CUX2: variants seen among roughly 807,000 people sequenced by gnomAD.
CUX2 encodes cut like homeobox 2.
Under a neutral mutation model 144.8 loss-of-function variants are expected in CUX2, and 40 were observed. That is an observed-to-expected ratio of 0.28 (90% CI 0.21 to 0.36). The LOEUF (loss-of-function observed/expected upper bound fraction) is 0.36. CUX2 is among the 10% of genes least tolerant of loss of function. CUX2 has a pLI of 1.00. For missense variants in CUX2, 1,615 were observed against 1,994.0 expected, an observed-to-expected ratio of 0.81 and a Z score of 3.62; for synonymous variants, 827 against 875.6, an observed-to-expected ratio of 0.94 and a Z score of 0.98.
intron 4 of CUX2, among the ~76,000 whole-genome samples, chr12:111,266,357 G>A (rs1884385628): frequency 6.6e-6 from 1 of 151,904 alleles, no homozygotes. Flanking sequence ...TGTATTCCCA[G>A]CTACTCAAGA....
chr12:111,291,879 A>G (rs1475936270), intron 5 of CUX2, among the ~76,000 whole-genome samples: 1 of 152,056 alleles, frequency 6.6e-6, no homozygotes, highest in East Asian at 1.9e-4. Flanking sequence ...GCCAGCCCCA[A>G]AGCACCCTCT....
intron 8 of CUX2, among the ~76,000 whole-genome samples, chr12:111,298,021 G>A (rs1886095402): frequency 6.6e-6 from 1 of 152,160 alleles, no homozygotes; most frequent in South Asian, 2.1e-4. Flanking sequence ...AGCCAAGGAA[G>A]GCCCTAAGCA....
rs1881635881 is a variant in CUX2 at position 111,217,907 on chromosome 12, G to T, written c.192G>T (p.Val64=). ...KNVPEEIREM[V]APVLKSFQAE... is the part of the protein sequence containing the mutation. The stretch of plus-strand genomic sequence containing the variant: ...TTTTTCAGGAAATCAGAGAGATGGT[G>T]GCTCCTGTATTAAAAAGCTTCCAAG... Residue 64 remains valine (V), a synonymous_variant, in exon 3 of 22, where the codon GTG becomes GTT. Transcript: ENST00000261726. 6.2e-7 allele frequency: 1 copy of T among 1,614,052 alleles called. No individual in the cohort carries two copies. The highest frequency in any genetic ancestry group is 1.3e-5 in the African/African-American group (1 of 75,022).
chr12:111,037,628 C>A lies in CUX2; in HGVS notation c.63+3388C>A, dbSNP rs562269838. On this transcript the variant is annotated intron_variant, in intron 1 of 21. Transcript: ENST00000261726. The surrounding 1 kb of genome is among the most constrained non-coding windows in gnomAD (Gnocchi z 5.4). ...TCAGGAAACGAGAAGAAATAAAATT[C>A]CATCCAAAGATAATGCTAGGCATAT... Among the ~76,000 whole-genome samples, 1 of 152,204 alleles carries A rather than the reference C, an allele frequency of 6.6e-6. No individual in the cohort carries two copies. Among genetic ancestry groups the A allele is most frequent in the African/African-American group, 2.4e-5 (1 of 41,446 alleles).
chr12:111,334,380 G>T, intron 18 of CUX2, 61 bp from the exon 19 acceptor site: 1 of 1,506,458 alleles, frequency 6.6e-7, no homozygotes, highest in Non-Finnish European at 8.9e-7. Flanking sequence ...CAAGCCTCCC[G>T]AAAGTGGATG....
At position 111,350,436 on chromosome 12, in the gene CUX2, A is replaced by G. The variant is rs1226401729; in HGVS notation, c.*2111A>G. On this transcript the variant is annotated 3_prime_UTR_variant, in exon 22 of 22. Coordinates refer to ENST00000261726, the MANE Select transcript of CUX2 (RefSeq NM_015267.4). ...TCAGGTTCACGTCCTATAACGGTTA[A>G]AAAACACACACACACATACACAAAC... 6.6e-6 allele frequency: 1 copy of G among 152,474 alleles called. No individual in the cohort carries two copies. Among genetic ancestry groups the G allele is most frequent in the East Asian group, 1.9e-4 (1 of 5,202 alleles). The allele number at this position is 152,474 out of a possible 1,614,324, so 9.4% of individuals were successfully genotyped here.
In CUX2 at chr12:111,347,808, C is replaced by T; in HGVS notation, c.3944C>T (p.Pro1315Leu). 1 of 1,614,052 alleles carries T rather than the reference C, an allele frequency of 6.2e-7. No individual in the cohort carries two copies. The highest frequency in any genetic ancestry group is 8.5e-7 in the Non-Finnish European group (1 of 1,179,994). The change falls in exon 22 of 22, where the codon CCC becomes CTC. Residue 1315 changes from proline (P) to leucine (L), a missense_variant. Pro to Leu is a moderately conservative substitution (Grantham distance 98, BLOSUM62 -3). This residue lies in a region of CUX2 where 298 missense variants were observed against 330.4 expected (regional missense o/e 0.90). Transcript: ENST00000261726. ...EDAEEEAGSQ[P>L]QDSGELDKGQ... ...GCTGAGGAAGAGGCAGGCAGCCAGC[C>T]CCAGGACTCAGGGGAGCTGGACAAA...
chr12:111,122,051 C>G (rs1874728112), intron 1 of CUX2, among the ~76,000 whole-genome samples: 2 of 152,188 alleles, frequency 1.3e-5, no homozygotes, highest in Non-Finnish European at 2.9e-5. Context: ...GTTTGACTGG[C>G]TGACTGCTCT....
At chr12:111,174,652 C>T (rs1184077864) in intron 1 of CUX2, among the ~76,000 whole-genome samples, 3 of 152,318 alleles carry the variant, frequency 2.0e-5, no homozygotes, top group South Asian at 4.1e-4. Context: ...AGAAAGGGCA[C>T]GGGATACTCC....
chr12:111,097,007 G>A (rs1487065514), intron 1 of CUX2, among the ~76,000 whole-genome samples: 3 of 152,050 alleles, frequency 2.0e-5, no homozygotes, highest in African/African-American at 7.2e-5. Context: ...GAAGTTGGGA[G>A]GCAGCTAAGA....
At position 111,277,859 on chromosome 12, in the gene CUX2, C is replaced by T. The variant is rs1202308829; in HGVS notation, c.302-13559C>T. Among the ~76,000 whole-genome samples, 2 of 152,208 alleles carry T rather than the reference C, an allele frequency of 1.3e-5. No individual in the cohort carries two copies. The highest frequency in any genetic ancestry group is 2.9e-5 in the Non-Finnish European group (2 of 68,052). On this transcript the variant is annotated intron_variant, in intron 4 of 21. Coordinates refer to ENST00000261726, the MANE Select transcript of CUX2 (RefSeq NM_015267.4). The surrounding 1 kb of genome is among the most constrained non-coding windows in gnomAD (Gnocchi z 5.0). ...TTAAAACAACACACGTTTATGATCT[C>T]ACCGTTCTGCAGAACAGAAGTCCAA...
intron 1 of CUX2, among the ~76,000 whole-genome samples, chr12:111,054,462 G>A (rs1870428387): frequency 6.6e-6 from 1 of 152,188 alleles, no homozygotes; most frequent in South Asian, 2.1e-4. Flanking sequence ...GAATTTACAT[G>A]ACCTTTCAGC....
At chr12:111,257,620 C>T (rs1883902171) in intron 3 of CUX2, among the ~76,000 whole-genome samples, 1 of 122,582 alleles carries the variant, frequency 8.2e-6, no homozygotes, top group African/African-American at 3.2e-5. Flanking sequence ...TCTTCCTCCT[C>T]CCTGCTCTTC....
chr12:111,293,461 C>T lies in CUX2; in HGVS notation c.452C>T (p.Thr151Met), dbSNP rs775563718. The change falls in exon 6 of 22, where the codon ACG becomes ATG. Residue 151 changes from threonine to methionine, a missense_variant. Physicochemically the swap from Thr to Met is moderately conservative, Grantham distance 81 (BLOSUM62 -1). Coordinates refer to ENST00000261726, the MANE Select transcript of CUX2 (RefSeq NM_015267.4). This position sits in a 1 kb window ranked among gnomAD's most constrained non-coding sequence, Gnocchi z 4.5. ...LLSPKEQREGTSPAGPTLTEG... is the reference protein window; with the variant it reads ...LLSPKEQREGMSPAGPTLTEG... ...CTCCCTGCAGAGCAGAGAGAGGGGA[C>T]GTCGCCTGCCGGGCCCACGCTGACC... The T allele has an allele frequency of 1.2e-6, 2 of 1,607,774 alleles. No homozygotes were observed. The highest frequency in any genetic ancestry group is 1.1e-5 in the South Asian group (1 of 89,556).
chr12:111,089,910 A>ACTCCTGCTCATGGGC (rs1872461064), intron 1 of CUX2, among the ~76,000 whole-genome samples: 1 of 152,202 alleles, frequency 6.6e-6, no homozygotes, highest in African/African-American at 2.4e-5. Context: ...ATGGGCAGAT[A>ACTCCTGCTCATGGGC]AGGAGTTTGG....
intron 3 of CUX2, among the ~76,000 whole-genome samples, chr12:111,259,031 CTGTGTGTGTGTG>C (rs57814010): frequency 0.032 from 4,278 of 132,312 alleles, 235 homozygotes; most frequent in African/African-American, 0.11. Context: ...CCACACCCAG[CTGTGTGTGTGTG>C]TGTGTGTGTG....
intron 18 of CUX2, among the ~76,000 whole-genome samples, chr12:111,325,529 G>A (rs982254856): frequency 2.8e-4 from 43 of 152,110 alleles, no homozygotes; most frequent in Non-Finnish European, 5.7e-4. Flanking sequence ...CTGGGCTGTG[G>A]GCCATCAGGC....
At chr12:111,275,352 G>A (rs1163706193) in intron 4 of CUX2, among the ~76,000 whole-genome samples, 1 of 152,198 alleles carries the variant, frequency 6.6e-6, no homozygotes, top group Non-Finnish European at 1.5e-5. Flanking sequence ...CATCCAGGTT[G>A]GATCTGAGGC....
At chr12:111,121,480 G>A (rs539664297) in intron 1 of CUX2, among the ~76,000 whole-genome samples, 2 of 137,790 alleles carry the variant, frequency 1.5e-5, no homozygotes, top group South Asian at 2.4e-4. Context: ...GGGTTCATGC[G>A]ATTCTCATGC....
Sources: gnomAD v4.1 joint callset for allele counts (sites outside exome capture counted in the v4.1 genomes callset) on GRCh38, gnomAD v4.1.1 for gene constraint, gnomAD v4.1.1 regional missense constraint, Gnocchi (gnomAD v3.1) non-coding constraint, MANE v1.5 for transcripts, NCBI Gene and HGNC (gene_info 2026-07-23, HGNC 2026-07-21) for gene names.